PAH: variants seen among roughly 807,000 people sequenced by gnomAD.
PAH encodes the protein phenylalanine-4-hydroxylase.
Under a neutral mutation model 62.0 loss-of-function variants are expected in PAH, and 64 were observed. The observed-to-expected ratio is 1.03, with a 90% confidence interval of 0.84 to 1.27. PAH has a LOEUF of 1.27. Ranked by LOEUF, PAH falls within the 50% of genes most tolerant of loss-of-function variation. The probability of loss-of-function intolerance (pLI) is 0.00; values close to 1 mark genes in which losing one functional copy is unlikely to be tolerated. For synonymous variants in PAH, 195 were observed against 196.2 expected, an observed-to-expected ratio of 0.99 and a Z score of 0.05; for missense variants, 579 against 542.8, an observed-to-expected ratio of 1.07 and a Z score of -0.66.
At chr12:102,868,879 A>G (rs1876178218) in intron 4 of PAH, among the ~76,000 whole-genome samples, 2 of 152,214 alleles carry the variant, frequency 1.3e-5, no homozygotes, top group South Asian at 2.1e-4. Context: ...TTAGTAGTGA[A>G]TAGTTTTTCT....
intron 5 of PAH, among the ~76,000 whole-genome samples, chr12:102,860,506 A>G (rs1403383090): frequency 6.6e-6 from 1 of 151,592 alleles, no homozygotes; most frequent in African/African-American, 2.4e-5. Flanking sequence ...TATGGAACCA[A>G]AAATAGCCCG....
At chr12:102,951,112 C>G (rs1411461363), upstream of PAH, among the ~76,000 whole-genome samples, 2 of 152,150 alleles carry the variant, frequency 1.3e-5, no homozygotes, top group Admixed American at 6.5e-5. Context: ...ACTGTCACTT[C>G]GGGTTAGCGT....
In PAH at chr12:102,847,045, A is replaced by G. The variant is rs1874883512; in HGVS notation, c.913-94T>C. On this transcript the variant is annotated intron_variant, in intron 8 of 12. Coordinates refer to ENST00000553106, the MANE Select transcript of PAH (RefSeq NM_000277.3). ...GGCCATAAAAAGGTGATGGGTGGCC[A>G]GATGCCTTCAGAACAGCCCACATAG... 4 of 938,792 alleles carry G rather than the reference A, an allele frequency of 4.3e-6. No individual in the cohort carries two copies. In the African/African-American group the frequency reaches 6.5e-5, roughly 15 times the overall value. 58.2% of individuals were successfully genotyped at this position (938,792 alleles called of 1,614,324 possible). A position where few individuals can be genotyped will look rare whatever the true frequency, so the allele number is the denominator to read the frequency against.
At chr12:102,903,040 C>A (rs1257594658) in intron 2 of PAH, among the ~76,000 whole-genome samples, 1 of 152,124 alleles carries the variant, frequency 6.6e-6, no homozygotes, top group East Asian at 1.9e-4. Context: ...TCCTATACCA[C>A]CAAATTGGTA....
chr12:102,849,370 G>T (rs1875045337), intron 8 of PAH, among the ~76,000 whole-genome samples: 1 of 152,130 alleles, frequency 6.6e-6, no homozygotes, highest in Admixed American at 6.5e-5. Flanking sequence ...GACATCCAAG[G>T]GGAGATGTTG....
chr12:102,881,486 G>A (rs1876811920), intron 3 of PAH, among the ~76,000 whole-genome samples: 1 of 152,088 alleles, frequency 6.6e-6, no homozygotes, highest in Non-Finnish European at 1.5e-5. Context: ...GGACACTTGA[G>A]ATCTCTCTGA....
At chr12:102,906,787 G>A (rs1430904756) in intron 2 of PAH, among the ~76,000 whole-genome samples, 1 of 152,180 alleles carries the variant, frequency 6.6e-6, no homozygotes, top group Non-Finnish European at 1.5e-5. Flanking sequence ...GCACAGAGAA[G>A]TCAAGTCACC....
intron 1 of PAH, chr12:102,915,243 A>G (rs1878339359): frequency 2.0e-5 from 3 of 152,162 alleles, no homozygotes; most frequent in Admixed American, 6.6e-5. Flanking sequence ...TCACTTCTTT[A>G]TCTATGCTTT....
At chr12:102,903,621 T>C (rs924373210) in intron 2 of PAH, among the ~76,000 whole-genome samples, 1 of 152,182 alleles carries the variant, frequency 6.6e-6, no homozygotes, top group Non-Finnish European at 1.5e-5. Context: ...GACTAATAGA[T>C]ACTGTGCCTT....
intron 1 of PAH, among the ~76,000 whole-genome samples, chr12:102,925,899 C>T (rs552769373): frequency 6.6e-6 from 1 of 152,170 alleles, no homozygotes; most frequent in East Asian, 1.9e-4. Flanking sequence ...TAAGTACAAA[C>T]CAATATATAT....
chr12:102,957,594 G>C lies in PAH; in HGVS notation c.-96+601C>G, dbSNP rs1879960246. ...CTGCAGCCGCTCGCTGCAGCAGCGG[G>C]GAGTGGGGGGCGAGGCGGGGCCAGG... On this transcript the variant is annotated intron_variant, in intron 1 of 4. Transcript: ENST00000551337. This position sits in a 1 kb window ranked among gnomAD's most constrained non-coding sequence, Gnocchi z 4.1. 1 of 150,824 alleles carries C rather than the reference G, an allele frequency of 6.6e-6. No individual in the cohort carries two copies. The highest frequency in any genetic ancestry group is 2.4e-5 in the African/African-American group (1 of 40,970). 9.3% of individuals were successfully genotyped at this position (150,824 alleles called of 1,614,324 possible).
chr12:102,844,619 T>C (rs1243637479), intron 9 of PAH, among the ~76,000 whole-genome samples, 188 bp from the exon 10 acceptor site: 1 of 152,130 alleles, frequency 6.6e-6, no homozygotes, highest in East Asian at 1.9e-4. Context: ...TCTTTCCTCA[T>C]TGTGGGCGGG....
chr12:102,843,753 A>C lies in PAH; in HGVS notation c.1092T>G (p.Leu364=), dbSNP rs1174053337. 3 of 1,613,784 alleles carry C rather than the reference A, an allele frequency of 1.9e-6. No homozygotes were observed. The highest frequency in any genetic ancestry group is 2.5e-6 in the Non-Finnish European group (3 of 1,179,808). The change falls in exon 11 of 13, where the codon CTT becomes CTG. Residue 364 remains leucine (L), a synonymous_variant. Transcript: ENST00000553106. The part of the protein sequence containing the change: ...LQYCLSEKPK[L]LPLELEKTAI... ...CTGTCTTCTCCAGCTCCAGGGGGAGAAGCTTTGGCTTCTCTGATAAGCAGT... is the reference window on the plus strand; with the variant it reads ...CTGTCTTCTCCAGCTCCAGGGGGAGCAGCTTTGGCTTCTCTGATAAGCAGT...
intron 2 of PAH, among the ~76,000 whole-genome samples, chr12:102,898,676 A>G (rs941104228): frequency 2.0e-5 from 3 of 152,212 alleles, no homozygotes; most frequent in Admixed American, 6.5e-5. Flanking sequence ...GTTAAGGGAG[A>G]CATAAAAAAA....
chr12:102,880,149 T>C (rs76807742), intron 3 of PAH, among the ~76,000 whole-genome samples: 3,002 of 152,254 alleles, frequency 0.02, 104 homozygotes, highest in African/African-American at 0.066. Flanking sequence ...CTCAATACCA[T>C]GCTCTGTTCA....
intron 1 of PAH, among the ~76,000 whole-genome samples, chr12:102,936,285 T>C (rs1565880927): frequency 6.6e-6 from 1 of 152,190 alleles, no homozygotes; most frequent in Non-Finnish European, 1.5e-5. Context: ...TTTTAAAGAC[T>C]CTTTTGTGAC....
intron 1 of PAH, among the ~76,000 whole-genome samples, chr12:102,948,796 A>C (rs1879608711): frequency 6.6e-6 from 1 of 152,178 alleles, no homozygotes; most frequent in Admixed American, 6.5e-5. Context: ...TAAAAGAGCC[A>C]ATTTGCCAGA....
chr12:102,956,777 G>A (rs905051878), intron 1 of PAH, among the ~76,000 whole-genome samples: 1 of 152,008 alleles, frequency 6.6e-6, no homozygotes, highest in African/African-American at 2.4e-5. Context: ...CTAGGGGGAC[G>A]TCCCTGCCAT....
chr12:102,894,820 A>C lies in PAH; in HGVS notation c.267T>G (p.Pro89=). 6.2e-7 allele frequency: 1 copy of C among 1,614,004 alleles called. No homozygotes were observed. The highest frequency in any genetic ancestry group is 8.5e-7 in the Non-Finnish European group (1 of 1,179,894). Residue 89 remains proline, a synonymous_variant, in exon 3 of 13, where the codon CCT becomes CCG. Transcript: ENST00000553106. Reference sequence around the variant, plus strand: ...AGATCTTGATGATGTTTGTCAGAGCAGGCAGGCTACGTTTATCCAAATGGG... The same window carrying C: ...AGATCTTGATGATGTTTGTCAGAGCCGGCAGGCTACGTTTATCCAAATGGG... ...FFTHLDKRSL[P]ALTNIIKILR... is the part of the protein sequence containing the mutation.
Sources: gnomAD v4.1 joint callset for allele counts (sites outside exome capture counted in the v4.1 genomes callset) on GRCh38, gnomAD v4.1.1 for gene constraint, Gnocchi (gnomAD v3.1) non-coding constraint, MANE v1.5 for transcripts, NCBI Gene and HGNC (gene_info 2026-07-23, HGNC 2026-07-21) for gene names.